The following ANO3 variants were observed in gnomAD, a reference collection of about 807,000 sequenced individuals.
The protein encoded by ANO3 is anoctamin 3, also known as anoctamin-3.
In ANO3, 99 loss-of-function variants were observed where a neutral mutation model predicts 144.8. The ratio of observed to expected loss-of-function variants is 0.68; its 90% CI spans 0.58 to 0.81. The LOEUF is 0.81. Among genes scored for constraint, ANO3 ranks in the 30% least tolerant of loss-of-function variants. The pLI, the probability that ANO3 is intolerant of heterozygous loss-of-function variation, is 0.00. For synonymous variants in ANO3, 414 were observed against 392.6 expected (o/e 1.05, Z -0.64); for missense variants, 905 against 1,202.2 (o/e 0.75, Z 3.66).
At chr11:26,229,097 G>A (rs1180555937) in intron 1 of ANO3, among the ~76,000 whole-genome samples, 3 of 129,816 alleles carry the variant, frequency 2.3e-5, no homozygotes, top group Non-Finnish European at 5.4e-5. Context: ...AAATAAAGAG[G>A]ACATTTTTTT....
At chr11:26,452,158 C>T (rs1257455411) in intron 3 of ANO3, among the ~76,000 whole-genome samples, 2 of 152,142 alleles carry the variant, frequency 1.3e-5, no homozygotes, top group Non-Finnish European at 2.9e-5. Context: ...AAACTGGAAA[C>T]TCTAAAAAGC....
At chr11:26,322,691 G>C (rs972507759) in intron 1 of ANO3, among the ~76,000 whole-genome samples, 1 of 152,112 alleles carries the variant, frequency 6.6e-6, no homozygotes, top group Non-Finnish European at 1.5e-5. Flanking sequence ...TGATCAATTA[G>C]ATTTATGGCT....
intron 17 of ANO3, among the ~76,000 whole-genome samples, chr11:26,606,339 A>G (rs1472914400): frequency 1.3e-5 from 2 of 152,074 alleles, no homozygotes; most frequent in Non-Finnish European, 2.9e-5. Flanking sequence ...GGAGTGTTTT[A>G]CTTCCAATTA....
At chr11:26,274,560 C>T (rs1853517439) in intron 1 of ANO3, among the ~76,000 whole-genome samples, 1 of 152,080 alleles carries the variant, frequency 6.6e-6, no homozygotes, top group Non-Finnish European at 1.5e-5. Context: ...CCTCATGTGA[C>T]ACTGAGAAAG....
At chr11:26,347,907 G>C (rs71480120) in intron 1 of ANO3, among the ~76,000 whole-genome samples, 8 of 152,122 alleles carry the variant, frequency 5.3e-5, no homozygotes, top group Non-Finnish European at 7.4e-5. Flanking sequence ...GCAAGAAAAG[G>C]GTCCTGGCCC....
At chr11:26,560,916 T>C in intron 14 of ANO3, 1 of 737,640 alleles carries the variant, frequency 1.4e-6, no homozygotes, top group Non-Finnish European at 2.1e-6. Context: ...ACATCCTGTC[T>C]ACATTTCTGC....
intron 1 of ANO3, among the ~76,000 whole-genome samples, chr11:26,360,777 A>G (rs542306458): frequency 3.3e-4 from 51 of 152,340 alleles, no homozygotes; most frequent in African/African-American, 1.2e-3. Context: ...AAGTTTATTC[A>G]TATCTCTCAA....
chr11:26,240,850 A>C (rs1036706369), intron 1 of ANO3, among the ~76,000 whole-genome samples: 1 of 152,132 alleles, frequency 6.6e-6, no homozygotes, highest in Non-Finnish European at 1.5e-5. Context: ...GACTCTCTTA[A>C]TATTTTTAAA....
chr11:26,500,214 C>G (rs538612914), intron 4 of ANO3, among the ~76,000 whole-genome samples: 2 of 151,960 alleles, frequency 1.3e-5, no homozygotes, highest in East Asian at 1.9e-4. Flanking sequence ...AGCTGATAGG[C>G]TTTTTGATTT....
chr11:26,493,524 G>A (rs1860800415), intron 4 of ANO3, among the ~76,000 whole-genome samples: 1 of 152,164 alleles, frequency 6.6e-6, no homozygotes, highest in African/African-American at 2.4e-5. Context: ...CAGCAGCAGA[G>A]AGCTAGATTT....
intron 18 of ANO3, among the ~76,000 whole-genome samples, chr11:26,628,224 C>T (rs1039884386): frequency 3.9e-5 from 6 of 152,078 alleles, no homozygotes; most frequent in African/African-American, 1.4e-4. Flanking sequence ...ATTAAGCCAA[C>T]TAATGAAAAG....
intron 1 of ANO3, among the ~76,000 whole-genome samples, chr11:26,219,599 C>A (rs1852101642): frequency 6.6e-6 from 1 of 152,148 alleles, no homozygotes; most frequent in African/African-American, 2.4e-5. Context: ...GAGAGCACCT[C>A]ATCAAAGGCA....
intron 4 of ANO3, among the ~76,000 whole-genome samples, chr11:26,493,442 C>A (rs1338688095): frequency 6.6e-6 from 1 of 152,080 alleles, no homozygotes. Context: ...CCTTCCAAAC[C>A]CTTCACAGAA....
chr11:26,635,198 A>C, intron 20 of ANO3, 128 bp downstream of exon 20: 1 of 753,136 alleles, frequency 1.3e-6, no homozygotes, highest in South Asian at 2.3e-5. Context: ...CACATTGTTC[A>C]GAAAGGAAGC....
intron 1 of ANO3, among the ~76,000 whole-genome samples, chr11:26,251,874 G>A (rs1180568984): frequency 6.6e-6 from 1 of 152,200 alleles, no homozygotes; most frequent in African/African-American, 2.4e-5. Flanking sequence ...CTGCCCCCTT[G>A]ATCCATTCAC....
intron 4 of ANO3, 108 bp downstream of exon 4, chr11:26,463,256 A>G: frequency 1.8e-6 from 1 of 565,188 alleles, no homozygotes; most frequent in Admixed American, 3.4e-5. Context: ...AAAAGAATAT[A>G]CATGTTAATA....
chr11:26,392,898 T>C (rs1262995155), intron 1 of ANO3, among the ~76,000 whole-genome samples: 2 of 152,124 alleles, frequency 1.3e-5, no homozygotes, highest in African/African-American at 4.8e-5. Flanking sequence ...ATCCTTAAAA[T>C]AGGAATAATG....
At chr11:26,436,495 C>T (rs561108353) in intron 1 of ANO3, among the ~76,000 whole-genome samples, 65 of 152,222 alleles carry the variant, frequency 4.3e-4, no homozygotes, top group Non-Finnish European at 7.6e-4. Flanking sequence ...AACAGTGAAG[C>T]CTGCAAAACA....
chr11:26,459,632 C>G (rs1233943088), intron 3 of ANO3, among the ~76,000 whole-genome samples: 2 of 151,326 alleles, frequency 1.3e-5, no homozygotes, highest in African/African-American at 4.9e-5. Context: ...ATAGGCCAGG[C>G]CAGGCTCACA....
Sources: gnomAD v4.1 joint callset for allele counts (sites outside exome capture counted in the v4.1 genomes callset) on GRCh38, gnomAD v4.1.1 for gene constraint, MANE v1.5 for transcripts, NCBI Gene and HGNC (gene_info 2026-07-23, HGNC 2026-07-21) for gene names.